The following JADE1 variants were observed in gnomAD, a reference collection of about 807,000 sequenced individuals.
JADE1 encodes the protein jade family PHD finger 1.
Under a neutral mutation model 81.8 loss-of-function variants are expected in JADE1, and 14 were observed. That is an observed-to-expected ratio of 0.17 (90% CI 0.11 to 0.27). The LOEUF is 0.27. Among genes scored for constraint, JADE1 ranks in the 10% least tolerant of loss-of-function variants. The pLI is 1.00. For synonymous variants in JADE1, 353 were observed against 391.9 expected, an observed-to-expected ratio of 0.90 and a Z score of 1.17; for missense variants, 690 against 1,047.9, an observed-to-expected ratio of 0.66 and a Z score of 4.71.
At chr4:128,864,018 G>T (rs1269507014) in intron 9 of JADE1, 1 of 985,248 alleles carries the variant, frequency 1.0e-6, no homozygotes, top group Admixed American at 6.1e-5. Context: ...CACTGTCGCT[G>T]TTTAAGTAGA....
rs1390301354 is a variant in JADE1 at position 128,827,917 on chromosome 4, G to A, written c.-26-3816G>A. On this transcript the variant is annotated intron_variant, in intron 1 of 10. Coordinates refer to ENST00000226319, the MANE Select transcript of JADE1 (RefSeq NM_199320.4). Reference sequence around the variant, plus strand: ...GTGTTACACATATGTTGGTAAGTACGGTGCTCTGCCCCAAACATGCCCCTT... The same window carrying A: ...GTGTTACACATATGTTGGTAAGTACAGTGCTCTGCCCCAAACATGCCCCTT... The A allele has an allele frequency of 1.8e-5, 18 of 984,486 alleles. No individual in the cohort carries two copies. The South Asian group carries it at 3.3e-4, about 18-fold the overall frequency. The allele number at this position is 984,486 out of a possible 1,614,324, so 61.0% of individuals were successfully genotyped here.
chr4:128,863,849 A>AG, intron 9 of JADE1: 1 of 985,422 alleles, frequency 1.0e-6, no homozygotes, highest in Non-Finnish European at 1.2e-6. Flanking sequence ...AGTTGTTGGG[A>AG]GGGGGAGGAC....
At chr4:128,837,347 T>C (rs1057252488) in intron 2 of JADE1, among the ~76,000 whole-genome samples, 1 of 152,218 alleles carries the variant, frequency 6.6e-6, no homozygotes, top group African/African-American at 2.4e-5. Flanking sequence ...GTCAAATGTT[T>C]GTGTGTCAGT....
At chr4:128,864,529 A>G (rs1171069604) in intron 9 of JADE1, 1 of 985,292 alleles carries the variant, frequency 1.0e-6, no homozygotes, top group Non-Finnish European at 1.2e-6. Context: ...GGCATTAAAC[A>G]ATTGAAATCT....
intron 2 of JADE1, among the ~76,000 whole-genome samples, chr4:128,841,547 T>C (rs190993689): frequency 6.6e-6 from 1 of 152,178 alleles, no homozygotes; most frequent in Non-Finnish European, 1.5e-5. Context: ...AAAGTAGGAA[T>C]GTAAGAGGCA....
At chr4:128,830,027 G>A (rs934628739) in intron 1 of JADE1, among the ~76,000 whole-genome samples, 2 of 151,450 alleles carry the variant, frequency 1.3e-5, no homozygotes, top group African/African-American at 4.8e-5. Flanking sequence ...ACAGATGCGC[G>A]CCACCACGCA....
intron 3 of JADE1, among the ~76,000 whole-genome samples, chr4:128,844,268 TCCAGCAGTGACA>T (rs1336904500): frequency 2.6e-5 from 4 of 152,146 alleles, no homozygotes; most frequent in Non-Finnish European, 5.9e-5. Context: ...GAAACCTACT[TCCAGCAGTGACA>T]CCAAGCATGG....
intron 9 of JADE1, chr4:128,862,897 T>C (rs1307074913): frequency 1.1e-6 from 1 of 901,632 alleles, no homozygotes; most frequent in African/African-American, 2.2e-5. Flanking sequence ...ACTGAGGCTG[T>C]GTGTGTGTGT....
intron 1 of JADE1, among the ~76,000 whole-genome samples, chr4:128,818,122 ACTT>A (rs1167832781): frequency 6.7e-6 from 1 of 149,050 alleles, no homozygotes; most frequent in Non-Finnish European, 1.5e-5. Flanking sequence ...CTAGTTAGGG[ACTT>A]CTTTTTTTTT....
chr4:128,811,984 C>G (rs1052443574), intron 1 of JADE1: 15 of 152,056 alleles, frequency 9.9e-5, no homozygotes, highest in African/African-American at 3.6e-4. Flanking sequence ...GGTGCCGCCC[C>G]GGAGGGACTC....
At chr4:128,868,490 T>G (rs1731948792) in intron 10 of JADE1, among the ~76,000 whole-genome samples, 1 of 151,898 alleles carries the variant, frequency 6.6e-6, no homozygotes, top group South Asian at 2.1e-4. Context: ...GTTGACTATT[T>G]CTGAGATTGA....
At chr4:128,821,652 A>G (rs1178443185) in intron 1 of JADE1, among the ~76,000 whole-genome samples, 1 of 151,690 alleles carries the variant, frequency 6.6e-6, no homozygotes, top group Non-Finnish European at 1.5e-5. Flanking sequence ...GAGACCACCA[A>G]CCTGATTACA....
At chr4:128,838,150 C>G (rs1729133556) in intron 2 of JADE1, among the ~76,000 whole-genome samples, 1 of 152,192 alleles carries the variant, frequency 6.6e-6, no homozygotes, top group South Asian at 2.1e-4. Context: ...GCTCATGGTG[C>G]TACAAACTCT....
chr4:128,820,793 A>G (rs951506321), intron 1 of JADE1, among the ~76,000 whole-genome samples: 1 of 152,178 alleles, frequency 6.6e-6, no homozygotes, highest in East Asian at 1.9e-4. Context: ...AAAGTTCCTG[A>G]AAAACAGCTG....
In JADE1 at chr4:128,855,065, G is replaced by GCC. The variant is rs1256003322; in HGVS notation, c.697-565_697-564insCC. Among the ~76,000 whole-genome samples the GCC allele has an allele frequency of 7.2e-3, 1,094 of 152,200 alleles. 9 individuals are homozygous for GCC. Among genetic ancestry groups the GCC allele is most frequent in the African/African-American group, 0.025 (1,051 of 41,508 alleles). On this transcript the variant is annotated intron_variant, in intron 6 of 10. Coordinates refer to ENST00000226319, the MANE Select transcript of JADE1 (RefSeq NM_199320.4). The stretch of plus-strand genomic sequence containing the variant: ...CTGGGAGAGTGCTGGGATCTAGTTG[G>GCC]TATGGAGTTTGCTTAGCCTAGGGAG...
chr4:128,810,136 A>T (rs1452552775), intron 1 of JADE1: 4 of 152,418 alleles, frequency 2.6e-5, no homozygotes, highest in African/African-American at 9.7e-5. Context: ...TATGGCGCCA[A>T]AAGATTGGGT....
At chr4:128,842,223 A>T (rs1252042536) in intron 2 of JADE1, among the ~76,000 whole-genome samples, 2 of 152,164 alleles carry the variant, frequency 1.3e-5, no homozygotes, top group African/African-American at 4.8e-5. Flanking sequence ...TAGGCCTTGT[A>T]GAGTGAAACC....
intron 6 of JADE1, among the ~76,000 whole-genome samples, chr4:128,854,301 A>AT (rs1264018865): frequency 6.7e-6 from 1 of 149,740 alleles, no homozygotes; most frequent in Non-Finnish European, 1.5e-5. Flanking sequence ...CATTTACTTC[A>AT]TTTTTCCTTT....
At chr4:128,845,893 C>T (rs898106129) in intron 3 of JADE1, among the ~76,000 whole-genome samples, 1 of 151,574 alleles carries the variant, frequency 6.6e-6, no homozygotes, top group Non-Finnish European at 1.5e-5. Context: ...TACCGCACTC[C>T]AGCCTGGGTG....
Sources: gnomAD v4.1 joint callset for allele counts (sites outside exome capture counted in the v4.1 genomes callset) on GRCh38, gnomAD v4.1.1 for gene constraint, MANE v1.5 for transcripts, NCBI Gene and HGNC (gene_info 2026-07-23, HGNC 2026-07-21) for gene names.